SNTG1: variants seen among roughly 807,000 people sequenced by gnomAD.
The protein encoded by SNTG1 is syntrophin gamma 1.
SNTG1 carries 39 observed loss-of-function variants against 74.7 expected under a neutral mutation model. The ratio of observed to expected loss-of-function variants is 0.52; its 90% CI spans 0.40 to 0.68. The LOEUF is 0.68. SNTG1 is among the 30% of genes least tolerant of loss of function. The pLI, the probability that SNTG1 is intolerant of heterozygous loss-of-function variation, is 0.00. For missense variants in SNTG1, 685 were observed against 609.5 expected (o/e 1.12, Z -1.30); for synonymous variants, 254 against 217.1 (o/e 1.17, Z -1.49).
In SNTG1 at chr8:50,658,635, T is replaced by A; in HGVS notation, c.1010T>A (p.Val337Asp). ...ACGAGAGCAGAGAAAACATTCTCAG[T>A]TTATGAGATTATGTGCAAGATCCTC... Reference protein sequence around the residue: ...DWTRAEKTFSVYEIMCKILKD... With the variant: ...DWTRAEKTFSDYEIMCKILKD... Residue 337 changes from valine to aspartate, a missense_variant, in exon 15 of 19, where the codon GTT (valine) becomes GAT (aspartate). By Grantham distance (152) the Val-to-Asp change is radical (BLOSUM62 -3). Coordinates refer to ENST00000642720, the MANE Select transcript of SNTG1 (RefSeq NM_018967.5). The A allele has an allele frequency of 1.9e-6, 3 of 1,610,706 alleles. No homozygotes were observed. Among genetic ancestry groups the A allele is most frequent in the East Asian group, 2.2e-5 (1 of 44,664 alleles).
chr8:50,328,461 G>A (rs929933543), intron 2 of SNTG1, among the ~76,000 whole-genome samples: 3 of 152,144 alleles, frequency 2.0e-5, no homozygotes, highest in East Asian at 3.9e-4. Flanking sequence ...TGGCTGGGAG[G>A]CCTCAGGAAA....
intron 15 of SNTG1, among the ~76,000 whole-genome samples, chr8:50,696,628 G>T (rs1199288196): frequency 6.6e-6 from 1 of 151,886 alleles, no homozygotes; most frequent in Non-Finnish European, 1.5e-5. Context: ...TGATTGATAG[G>T]AGTCTGGTTT....
At chr8:50,329,902 A>C (rs932231294) in intron 2 of SNTG1, among the ~76,000 whole-genome samples, 1 of 152,082 alleles carries the variant, frequency 6.6e-6, no homozygotes, top group Non-Finnish European at 1.5e-5. Flanking sequence ...ATTTCAGATC[A>C]TCTCTTTCCA....
intron 2 of SNTG1, among the ~76,000 whole-genome samples, chr8:50,390,385 G>A (rs1323471414): frequency 6.6e-6 from 1 of 152,178 alleles, no homozygotes; most frequent in Non-Finnish European, 1.5e-5. Flanking sequence ...TTGTAGATGT[G>A]TGGTATTATT....
At chr8:50,562,631 G>C (rs2094495079) in intron 12 of SNTG1, among the ~76,000 whole-genome samples, 1 of 152,146 alleles carries the variant, frequency 6.6e-6, no homozygotes, top group South Asian at 2.1e-4. Flanking sequence ...AACCACCTTA[G>C]TTTGTAGGAA....
At position 50,122,626 on chromosome 8, in the gene SNTG1, C is replaced by T. The variant is rs563924919; in HGVS notation, c.-102-49935C>T. Among the ~76,000 whole-genome samples, 17 of 141,858 alleles carry T rather than the reference C, an allele frequency of 1.2e-4. 4 individuals are homozygous for T. The South Asian group carries it at 4.5e-3, about 38-fold the overall frequency. The allele number at this position is 141,858 out of a possible 152,430, so 93.1% of individuals were successfully genotyped here. A position where few individuals can be genotyped will look rare whatever the true frequency, so the allele number is the denominator to read the frequency against. On this transcript the variant is annotated intron_variant, in intron 1 of 18. Transcript: ENST00000642720. ...CTAATTAAAGGAGGTGAGGCGGTAG[C>T]TCAGGAGCAGTGGGAAGATGGTTGG...
rs143296846 is a variant in SNTG1, at chr8:50,112,967, C to T, written c.-102-59594C>T. 8.3e-3 allele frequency among the ~76,000 whole-genome samples: 1,268 copies of T among 152,144 alleles called. 24 individuals carry two copies. The highest frequency in any genetic ancestry group is 0.029 in the African/African-American group (1,197 of 41,484). On this transcript the variant is annotated intron_variant, in intron 1 of 18. Coordinates refer to ENST00000642720, the MANE Select transcript of SNTG1 (RefSeq NM_018967.5). ...ATTGGTCTATATCTCTGTTTCGGTA[C>T]CAGTACCATGCTGTTTTGGTTACTG...
intron 13 of SNTG1, among the ~76,000 whole-genome samples, chr8:50,618,746 A>G (rs546626781): frequency 6.6e-6 from 1 of 152,174 alleles, no homozygotes; most frequent in Non-Finnish European, 1.5e-5. Flanking sequence ...TGTCAGTTGG[A>G]GACCTCTAAA....
intron 1 of SNTG1, among the ~76,000 whole-genome samples, chr8:50,143,514 A>ATAT (rs1433542805): frequency 6.6e-6 from 1 of 152,212 alleles, no homozygotes; most frequent in African/African-American, 2.4e-5. Flanking sequence ...AGACTTATTC[A>ATAT]TATTAGAAAC....
intron 1 of SNTG1, among the ~76,000 whole-genome samples, chr8:50,079,232 C>A (rs1333249629): frequency 6.6e-6 from 1 of 152,200 alleles, no homozygotes; most frequent in Non-Finnish European, 1.5e-5. Context: ...TGTTTCCAGA[C>A]TTTTTAACGA....
At chr8:50,020,583 C>T (rs1318665937) in intron 1 of SNTG1, among the ~76,000 whole-genome samples, 1 of 152,060 alleles carries the variant, frequency 6.6e-6, no homozygotes. Flanking sequence ...CATTTAGGCA[C>T]ATCATTAATC....
intron 1 of SNTG1, among the ~76,000 whole-genome samples, chr8:50,043,261 T>TA (rs1818796062): frequency 6.6e-6 from 1 of 152,234 alleles, no homozygotes. Flanking sequence ...TATGACTTTT[T>TA]ATAAGTAAAG....
intron 15 of SNTG1, among the ~76,000 whole-genome samples, chr8:50,687,857 T>C (rs2131422961): frequency 6.6e-6 from 1 of 152,296 alleles, no homozygotes; most frequent in Non-Finnish European, 1.5e-5. Context: ...TTGCTGATAT[T>C]TTACAGTCCC....
chr8:50,304,943 C>T (rs982789693), intron 2 of SNTG1, among the ~76,000 whole-genome samples: 2 of 152,032 alleles, frequency 1.3e-5, no homozygotes, highest in Non-Finnish European at 2.9e-5. Context: ...TCTCTTTTTG[C>T]CCATGCTGGA....
At chr8:50,420,147 G>A (rs757675924) in intron 4 of SNTG1, among the ~76,000 whole-genome samples, 1 of 151,992 alleles carries the variant, frequency 6.6e-6, no homozygotes, top group African/African-American at 2.4e-5. Flanking sequence ...TCAAAATTGT[G>A]CAAAAAGTAT....
chr8:50,781,799 T>TAGTATTTTATTTCACTTTCACTTA, intron 18 of SNTG1, among the ~76,000 whole-genome samples: 1 of 152,228 alleles, frequency 6.6e-6, no homozygotes. Flanking sequence ...CTTCCTAGCC[T>TAGTATTTTATTTCACTTTCACTTA]TGATGGTCTT....
intron 1 of SNTG1, among the ~76,000 whole-genome samples, chr8:50,141,137 T>C (rs978329739): frequency 3.3e-5 from 5 of 152,218 alleles, no homozygotes; most frequent in African/African-American, 1.2e-4. Context: ...TGAATTAGCC[T>C]GCTGTTCACG....
chr8:50,033,769 C>T (rs570678802), intron 1 of SNTG1, among the ~76,000 whole-genome samples: 1 of 152,238 alleles, frequency 6.6e-6, no homozygotes, highest in Admixed American at 6.5e-5. Flanking sequence ...CATTTTAACT[C>T]CATCACCTTT....
At chr8:50,058,361 C>T (rs1820199121) in intron 1 of SNTG1, among the ~76,000 whole-genome samples, 1 of 152,098 alleles carries the variant, frequency 6.6e-6, no homozygotes, top group South Asian at 2.1e-4. Context: ...TCTAAATACA[C>T]TCATATAGTA....
Sources: allele counts gnomAD v4.1 joint callset (sites outside exome capture counted in the v4.1 genomes callset), GRCh38; gene constraint gnomAD v4.1.1; transcripts MANE v1.5; gene names NCBI Gene and HGNC (gene_info 2026-07-23, HGNC 2026-07-21).